RAB6A: variants seen among roughly 807,000 people sequenced by gnomAD.
RAB6A encodes the protein ras-related protein Rab-6A.
A neutral mutation model predicts 32.3 loss-of-function variants in RAB6A; 8 were observed. The observed-to-expected ratio is 0.25, with a 90% CI of 0.15 to 0.45. The LOEUF is 0.45. Ranked by LOEUF, RAB6A falls within the 20% of genes least tolerant of loss-of-function variation. The pLI, the probability that RAB6A is intolerant of heterozygous loss-of-function variation, is 1.00. For missense variants in RAB6A, 104 were observed against 249.4 expected (o/e 0.42, Z 3.93); for synonymous variants, 73 against 82.1 (o/e 0.89, Z 0.60).
chr11:73,711,068 A>T (rs1256748067), intron 5 of RAB6A, among the ~76,000 whole-genome samples: 1 of 152,126 alleles, frequency 6.6e-6, no homozygotes, highest in Non-Finnish European at 1.5e-5. Context: ...GCACACTTCC[A>T]CTAGGCATGC....
intron 1 of RAB6A, among the ~76,000 whole-genome samples, chr11:73,733,091 A>C (rs1288283504): frequency 1.3e-5 from 2 of 152,090 alleles, no homozygotes; most frequent in African/African-American, 4.8e-5. Flanking sequence ...GATTACAAGC[A>C]TGAGCGTCCA....
At chr11:73,709,848 TATACATATATACATATATACACATATAC>T (rs1565357867) in intron 5 of RAB6A, among the ~76,000 whole-genome samples, 1 of 46,090 alleles carries the variant, frequency 2.2e-5, no homozygotes, top group African/African-American at 5.8e-5. Context: ...TACACATATA[TATACATATATACATATATACACATATAC>T]ATACATATAT....
chr11:73,736,744 A>C (rs1565372648), intron 1 of RAB6A, among the ~76,000 whole-genome samples: 1 of 146,934 alleles, frequency 6.8e-6, no homozygotes, highest in Non-Finnish European at 1.5e-5. Flanking sequence ...GTGAGCCAAG[A>C]CTGTGCCACT....
intron 4 of RAB6A, among the ~76,000 whole-genome samples, chr11:73,717,101 T>C (rs1373267485): frequency 6.6e-6 from 1 of 152,142 alleles, no homozygotes; most frequent in Non-Finnish European, 1.5e-5. Flanking sequence ...TGAACATACC[T>C]CTTTTTTTTA....
intron 5 of RAB6A, among the ~76,000 whole-genome samples, chr11:73,713,563 CT>C (rs1946001344): frequency 1.1e-5 from 1 of 94,566 alleles, no homozygotes; most frequent in South Asian, 4.3e-4. Context: ...GAGACTCCGT[CT>C]CAAAAAAAAA....
intron 1 of RAB6A, among the ~76,000 whole-genome samples, chr11:73,756,545 T>C (rs1565383404): frequency 6.6e-6 from 1 of 152,206 alleles, no homozygotes; most frequent in African/African-American, 2.4e-5. Flanking sequence ...GTAACATGTA[T>C]ATATAGTGAA....
At chr11:73,711,994 T>A (rs540885920) in intron 5 of RAB6A, among the ~76,000 whole-genome samples, 8 of 152,322 alleles carry the variant, frequency 5.3e-5, no homozygotes, top group African/African-American at 9.6e-5. Flanking sequence ...TTTTAGAGGC[T>A]TTTTTATTTG....
At chr11:73,694,561 C>T (rs2134891857) in intron 6 of RAB6A, among the ~76,000 whole-genome samples, 1 of 152,274 alleles carries the variant, frequency 6.6e-6, no homozygotes, top group South Asian at 2.1e-4. Flanking sequence ...ACACAAAAAG[C>T]TAATCCATTT....
Position 73,720,599 on chromosome 11 carries a change from T to G in RAB6A, c.183+247A>C, listed in dbSNP as rs990111734. Reference sequence around the variant, plus strand: ...CTCAAGGGTGGCATTTAGAAGGTCTTTAGCAGGTTTAATTTCTTCATAAAA... The same window carrying G: ...CTCAAGGGTGGCATTTAGAAGGTCTGTAGCAGGTTTAATTTCTTCATAAAA... On this transcript the variant is annotated intron_variant, in intron 3 of 7. Transcript: ENST00000336083. 2.6e-5 allele frequency among the ~76,000 whole-genome samples: 4 copies of G among 152,214 alleles called. 1 individual carries two copies. The highest frequency in any genetic ancestry group is 9.6e-5 in the African/African-American group (4 of 41,458).
At chr11:73,718,319 C>T (rs1224209900) in intron 4 of RAB6A, among the ~76,000 whole-genome samples, 1 of 152,112 alleles carries the variant, frequency 6.6e-6, no homozygotes, top group Non-Finnish European at 1.5e-5. Flanking sequence ...AAACATTCCT[C>T]CAACTATAAT....
At chr11:73,737,457 T>A (rs953522879) in intron 1 of RAB6A, among the ~76,000 whole-genome samples, 3 of 152,116 alleles carry the variant, frequency 2.0e-5, no homozygotes, top group Non-Finnish European at 4.4e-5. Flanking sequence ...CACTCCAGCC[T>A]GGGTGACAGA....
rs1946836478 is a variant in RAB6A, at chr11:73,760,971, G to A, written c.-336C>T. 2 of 266,828 alleles carry A rather than the reference G, an allele frequency of 7.5e-6. No individual in the cohort carries two copies. The highest frequency in any genetic ancestry group is 2.2e-5 in the African/African-American group (1 of 44,856). 16.5% of individuals were successfully genotyped at this position (266,828 alleles called of 1,614,324 possible). A position where few individuals can be genotyped will look rare whatever the true frequency, so the allele number is the denominator to read the frequency against. On this transcript the variant is annotated 5_prime_UTR_variant, in exon 1 of 8. Transcript: ENST00000336083. ...CGGCTCCCAGACCTGGGGAAGAGAAGCTGAGGGTGGCGGAGCCGGAACCGC... is the reference window on the plus strand; with the variant it reads ...CGGCTCCCAGACCTGGGGAAGAGAAACTGAGGGTGGCGGAGCCGGAACCGC...
intron 1 of RAB6A, among the ~76,000 whole-genome samples, chr11:73,754,496 A>C (rs1946715974): frequency 6.6e-6 from 1 of 152,268 alleles, no homozygotes; most frequent in Non-Finnish European, 1.5e-5. Context: ...GATTGAATGC[A>C]TAAGCAGCTA....
intron 6 of RAB6A, among the ~76,000 whole-genome samples, chr11:73,706,542 A>C (rs1289008447): frequency 6.6e-6 from 1 of 151,928 alleles, no homozygotes; most frequent in East Asian, 1.9e-4. Flanking sequence ...TTGGTCCATA[A>C]ATCTTATAAA....
intron 5 of RAB6A, among the ~76,000 whole-genome samples, chr11:73,715,359 C>T (rs1243778701): frequency 6.6e-6 from 1 of 152,098 alleles, no homozygotes; most frequent in Non-Finnish European, 1.5e-5. Context: ...CTCCTGACCT[C>T]GTGTTCCACC....
intron 1 of RAB6A, among the ~76,000 whole-genome samples, chr11:73,745,216 G>C (rs184026210): frequency 6.6e-6 from 1 of 152,048 alleles, no homozygotes; most frequent in Non-Finnish European, 1.5e-5. Flanking sequence ...AACTACACAC[G>C]ATAAAATAAG....
chr11:73,740,049 ACT>A (rs1946469953), intron 1 of RAB6A, among the ~76,000 whole-genome samples: 1 of 149,580 alleles, frequency 6.7e-6, no homozygotes, highest in Non-Finnish European at 1.5e-5. Context: ...ACAGAGCAAG[ACT>A]CTGTCTCAAA....
intron 6 of RAB6A, among the ~76,000 whole-genome samples, chr11:73,686,512 G>A (rs373867947): frequency 1.3e-5 from 2 of 151,998 alleles, no homozygotes; most frequent in African/African-American, 2.4e-5. Context: ...CAGAGATCGC[G>A]CCACTGCACT....
intron 1 of RAB6A, among the ~76,000 whole-genome samples, chr11:73,754,526 T>C (rs540386255): frequency 1.3e-5 from 2 of 152,378 alleles, no homozygotes; most frequent in South Asian, 2.1e-4. Flanking sequence ...AATTGTCCTC[T>C]ATTAAGTCAG....
Sources: gnomAD v4.1 joint callset for allele counts (sites outside exome capture counted in the v4.1 genomes callset) on GRCh38, gnomAD v4.1.1 for gene constraint, MANE v1.5 for transcripts, NCBI Gene and HGNC (gene_info 2026-07-23, HGNC 2026-07-21) for gene names.